Variants in LRRC4C observed in about 807,000 individuals in gnomAD.
The protein encoded by LRRC4C is leucine rich repeat containing 4C.
In LRRC4C, 5 loss-of-function variants were observed where a neutral mutation model predicts 33.6. The ratio of observed to expected loss-of-function variants is 0.15; its 90% confidence interval spans 0.08 to 0.31. LRRC4C has a LOEUF of 0.31. LRRC4C is among the 10% of genes least tolerant of loss of function. LRRC4C has a pLI of 1.00. For missense variants in LRRC4C, 560 were observed against 796.7 expected (o/e 0.70, Z 3.58); for synonymous variants, 329 against 302.0 (o/e 1.09, Z -0.93).
intron 2 of LRRC4C, among the ~76,000 whole-genome samples, chr11:40,768,108 A>C (rs1370146420): frequency 1.3e-5 from 2 of 152,048 alleles, no homozygotes. Flanking sequence ...GGACGATCTA[A>C]ATAAATAAAA....
At chr11:40,690,754 C>T (rs1485731289) in intron 2 of LRRC4C, among the ~76,000 whole-genome samples, 1 of 151,982 alleles carries the variant, frequency 6.6e-6, no homozygotes, top group Non-Finnish European at 1.5e-5. Flanking sequence ...TGGAATCTTT[C>T]CTCAATGTGC....
chr11:40,502,907 G>A (rs1426251094), intron 3 of LRRC4C, among the ~76,000 whole-genome samples: 1 of 152,180 alleles, frequency 6.6e-6, no homozygotes, highest in African/African-American at 2.4e-5. Context: ...AGTGTCACTT[G>A]AAGCATTCTC....
intron 1 of LRRC4C, among the ~76,000 whole-genome samples, chr11:41,310,369 T>C (rs1027916108): frequency 7.2e-5 from 11 of 152,226 alleles, no homozygotes; most frequent in Non-Finnish European, 1.6e-4. Flanking sequence ...AATGTTTCTC[T>C]TTCTGGAGAG....
chr11:41,091,644 CTAAA>C (rs1940425573), intron 1 of LRRC4C, among the ~76,000 whole-genome samples: 2 of 151,990 alleles, frequency 1.3e-5, no homozygotes, highest in South Asian at 4.1e-4. Context: ...ACTTAGGAGT[CTAAA>C]TACCCTACAA....
chr11:41,050,618 C>T (rs1237441649), intron 1 of LRRC4C, among the ~76,000 whole-genome samples: 1 of 152,120 alleles, frequency 6.6e-6, no homozygotes, highest in Non-Finnish European at 1.5e-5. Flanking sequence ...CTAAGGATAT[C>T]AACTCACTCT....
chr11:40,520,913 C>A (rs1323774172), intron 3 of LRRC4C, among the ~76,000 whole-genome samples: 1 of 151,974 alleles, frequency 6.6e-6, no homozygotes, highest in Middle Eastern at 3.2e-3. Flanking sequence ...ATATACTCAA[C>A]CCAGGGATAT....
intron 2 of LRRC4C, among the ~76,000 whole-genome samples, chr11:40,735,827 C>T (rs893261524): frequency 1.8e-4 from 27 of 150,336 alleles, no homozygotes; most frequent in African/African-American, 6.6e-4. Context: ...CCTGTTGTTT[C>T]CTGACTTTTT....
intron 3 of LRRC4C, among the ~76,000 whole-genome samples, chr11:40,563,059 A>G (rs1957614830): frequency 6.6e-6 from 1 of 151,944 alleles, no homozygotes; most frequent in Non-Finnish European, 1.5e-5. Flanking sequence ...TCCGCAGTAA[A>G]TATCTTGCAC....
intron 3 of LRRC4C, among the ~76,000 whole-genome samples, chr11:40,523,231 T>C (rs1365991361): frequency 6.6e-6 from 1 of 152,148 alleles, no homozygotes; most frequent in Non-Finnish European, 1.5e-5. Context: ...TTTTAATAGA[T>C]GTGAAGTAGT....
chr11:40,960,680 A>G (rs949941012), intron 1 of LRRC4C, among the ~76,000 whole-genome samples: 1 of 151,772 alleles, frequency 6.6e-6, no homozygotes, highest in African/African-American at 2.4e-5. Flanking sequence ...TAATTTGTAT[A>G]TATTTACTGG....
At chr11:41,061,717 A>G (rs1410412325) in intron 1 of LRRC4C, among the ~76,000 whole-genome samples, 1 of 152,226 alleles carries the variant, frequency 6.6e-6, no homozygotes, top group East Asian at 1.9e-4. Flanking sequence ...TGGAAGGTAT[A>G]CTATCATGGG....
At chr11:41,326,748 C>T (rs543980596) in intron 1 of LRRC4C, among the ~76,000 whole-genome samples, 37 of 152,268 alleles carry the variant, frequency 2.4e-4, no homozygotes, top group African/African-American at 8.9e-4. Flanking sequence ...GCAGAAGTTT[C>T]ACAAAACAGT....
chr11:40,334,291 A>C (rs1299836997), intron 3 of LRRC4C, among the ~76,000 whole-genome samples: 2 of 152,144 alleles, frequency 1.3e-5, no homozygotes, highest in Non-Finnish European at 2.9e-5. Context: ...GAAACATTTT[A>C]ATAAAGCTTT....
intron 3 of LRRC4C, among the ~76,000 whole-genome samples, chr11:40,484,410 T>C (rs1230977618): frequency 6.6e-6 from 1 of 152,070 alleles, no homozygotes; most frequent in Admixed American, 6.6e-5. Flanking sequence ...TTTAGTGTAC[T>C]GCTTTGTAGT....
In LRRC4C at chr11:40,114,869, T is replaced by C; in HGVS notation, c.1424A>G (p.Asn475Ser). 6.2e-7 allele frequency: 1 copy of C among 1,614,156 alleles called. No homozygotes were observed. Among genetic ancestry groups the C allele is most frequent in the South Asian group, 1.1e-5 (1 of 91,082 alleles). ...GTCGACCACTGGAGTGGGACCCACA[T>C]TGTTATCTGTGGTCCGTGCCTCATC... ...SQDEARTTDN[N>S]VGPTPVVDWE... The change falls in exon 7 of 7, where the codon AAT becomes AGT. Residue 475 changes from asparagine to serine, a missense_variant. Physicochemically the swap from Asn to Ser is conservative, Grantham distance 46. Around this residue, in one of 3 missense-constraint regions of LRRC4C, gnomAD observed 455 missense variants for 643.8 expected, o/e 0.71. Coordinates refer to ENST00000528697, the MANE Select transcript of LRRC4C (RefSeq NM_001258419.2).
At chr11:41,258,230 T>C (rs1156959239) in intron 1 of LRRC4C, among the ~76,000 whole-genome samples, 1 of 151,934 alleles carries the variant, frequency 6.6e-6, no homozygotes, top group Non-Finnish European at 1.5e-5. Context: ...GAAGAATCAA[T>C]AGATTTTCCA....
chr11:40,298,257 T>C (rs536229690), intron 4 of LRRC4C, among the ~76,000 whole-genome samples: 1 of 152,246 alleles, frequency 6.6e-6, no homozygotes, highest in African/African-American at 2.4e-5. Context: ...GAGTGCATAA[T>C]AAACCATTTG....
At chr11:40,196,142 C>T (rs143554173) in intron 5 of LRRC4C, among the ~76,000 whole-genome samples, 1 of 152,170 alleles carries the variant, frequency 6.6e-6, no homozygotes, top group Non-Finnish European at 1.5e-5. Context: ...TTTTGCTTCT[C>T]GTGGATAAGG....
At chr11:40,494,348 A>C (rs1003561181) in intron 3 of LRRC4C, among the ~76,000 whole-genome samples, 4 of 152,176 alleles carry the variant, frequency 2.6e-5, no homozygotes, top group African/African-American at 9.7e-5. Context: ...TTGCCTTTTA[A>C]ATCAGCTAAC....
Sources: gnomAD v4.1 joint callset for allele counts (sites outside exome capture counted in the v4.1 genomes callset) on GRCh38, gnomAD v4.1.1 for gene constraint, gnomAD v4.1.1 regional missense constraint, MANE v1.5 for transcripts, NCBI Gene and HGNC (gene_info 2026-07-23, HGNC 2026-07-21) for gene names.